Variants in NPFFR2 observed in about 807,000 individuals in gnomAD.
The protein encoded by NPFFR2 is neuropeptide FF receptor 2.
NPFFR2 carries 15 observed loss-of-function variants against 13.1 expected under a neutral mutation model. The ratio of observed to expected loss-of-function variants is 1.15; its 90% CI spans 0.77 to 1.76. NPFFR2 has a LOEUF of 1.76. NPFFR2 is among the 40% of genes most tolerant of loss of function. The pLI is 0.00. For synonymous variants in NPFFR2, 190 were observed against 175.7 expected, an observed-to-expected ratio of 1.08 and a Z score of -0.65; for missense variants, 572 against 503.5, an observed-to-expected ratio of 1.14 and a Z score of -1.30.
Position 72,147,332 on chromosome 4 carries a change from G to A in NPFFR2, c.783G>A (p.Gln261=). Residue 261 remains glutamine, a synonymous_variant, in exon 4 of 4, where the codon CAG becomes CAA. Transcript: ENST00000308744. ...ACACAGGCAGGAAGAACCAGGAGCA[G>A]TGGCACGTGGTGTCCAGGAAGAAGC... The part of the protein sequence containing the change: ...VPHTGRKNQE[Q]WHVVSRKKQK... 1.9e-6 allele frequency: 3 copies of A among 1,614,174 alleles called. No homozygotes were observed. Among genetic ancestry groups the A allele is most frequent in the Non-Finnish European group, 2.5e-6 (3 of 1,180,018 alleles).
At chr4:72,113,860 G>A (rs1283618597) in intron 1 of NPFFR2, among the ~76,000 whole-genome samples, 1 of 151,990 alleles carries the variant, frequency 6.6e-6, no homozygotes, top group Non-Finnish European at 1.5e-5. Flanking sequence ...ACACAGCAGA[G>A]GAATATTTAG....
At chr4:72,067,494 T>C (rs1307904419) in intron 1 of NPFFR2, among the ~76,000 whole-genome samples, 2 of 152,206 alleles carry the variant, frequency 1.3e-5, no homozygotes, top group Admixed American at 6.5e-5. Context: ...AATAATCTTA[T>C]CAAATGGTCT....
At chr4:72,042,689 C>G (rs958938281) in intron 1 of NPFFR2, among the ~76,000 whole-genome samples, 1 of 152,140 alleles carries the variant, frequency 6.6e-6, no homozygotes. Flanking sequence ...TTGCCCCTTT[C>G]CTAGAGATCT....
At chr4:72,146,866 T>C (rs969689787) in intron 3 of NPFFR2, 112 bp from the exon 4 acceptor site, 1 of 707,102 alleles carries the variant, frequency 1.4e-6, no homozygotes, top group Non-Finnish European at 2.4e-6. Flanking sequence ...ACTTTCTATA[T>C]TTTTGAGGAG....
chr4:72,135,663 GT>G (rs893644888), intron 2 of NPFFR2, among the ~76,000 whole-genome samples: 1 of 151,916 alleles, frequency 6.6e-6, no homozygotes, highest in Admixed American at 6.6e-5. Context: ...ATTAGTAATA[GT>G]TTTTTCTGTT....
intron 1 of NPFFR2, among the ~76,000 whole-genome samples, chr4:72,057,050 AT>A (rs1483497425): frequency 6.6e-6 from 1 of 152,040 alleles, no homozygotes; most frequent in Non-Finnish European, 1.5e-5. Context: ...AAAGTGATAT[AT>A]TGAAGCCTAT....
chr4:72,111,030 T>G (rs1721552428), intron 1 of NPFFR2, among the ~76,000 whole-genome samples: 1 of 151,974 alleles, frequency 6.6e-6, no homozygotes, highest in South Asian at 2.1e-4. Context: ...AAGCGATAAT[T>G]TTTTATGGTT....
intron 1 of NPFFR2, among the ~76,000 whole-genome samples, chr4:72,122,821 C>A (rs1462545150): frequency 6.6e-6 from 1 of 152,004 alleles, no homozygotes; most frequent in African/African-American, 2.4e-5. Flanking sequence ...AAATTGACAC[C>A]CTAACATCAC....
At chr4:72,055,091 A>G (rs956421828) in intron 1 of NPFFR2, among the ~76,000 whole-genome samples, 1 of 151,966 alleles carries the variant, frequency 6.6e-6, no homozygotes, top group Non-Finnish European at 1.5e-5. Context: ...CTTAAAAAGC[A>G]TTAGACTAAG....
intron 1 of NPFFR2, among the ~76,000 whole-genome samples, chr4:72,097,401 A>T (rs572916341): frequency 1.3e-5 from 2 of 152,044 alleles, no homozygotes; most frequent in Admixed American, 1.3e-4. Flanking sequence ...CTAGTTCTGT[A>T]GTGATTCTGT....
At chr4:72,102,993 G>A (rs573985052) in intron 1 of NPFFR2, among the ~76,000 whole-genome samples, 91 of 152,220 alleles carry the variant, frequency 6.0e-4, no homozygotes, top group Non-Finnish European at 1.0e-3. Flanking sequence ...CACCAACAGC[G>A]TCAAAGTGTT....
chr4:72,053,404 C>G (rs1719647817), intron 1 of NPFFR2, among the ~76,000 whole-genome samples: 1 of 151,600 alleles, frequency 6.6e-6, no homozygotes, highest in African/African-American at 2.4e-5. Flanking sequence ...AAAGTTTACC[C>G]TAGGAACAAA....
At chr4:72,072,745 C>A (rs4296652) in intron 1 of NPFFR2, among the ~76,000 whole-genome samples, 1 of 152,002 alleles carries the variant, frequency 6.6e-6, no homozygotes, top group African/African-American at 2.4e-5. Context: ...AGAATAAACT[C>A]AAAGATACTC....
At chr4:72,114,377 A>G (rs1721650762) in intron 1 of NPFFR2, among the ~76,000 whole-genome samples, 2 of 152,072 alleles carry the variant, frequency 1.3e-5, no homozygotes, top group Admixed American at 1.3e-4. Context: ...GTTGATTGGT[A>G]CCCCTATAAG....
intron 1 of NPFFR2, among the ~76,000 whole-genome samples, chr4:72,062,781 A>G (rs1259954497): frequency 6.6e-6 from 1 of 152,156 alleles, no homozygotes; most frequent in Admixed American, 6.5e-5. Context: ...GTGGAACCAT[A>G]TGGAGCAGAG....
chr4:72,037,291 G>A (rs749847273), intron 1 of NPFFR2, among the ~76,000 whole-genome samples: 2 of 151,290 alleles, frequency 1.3e-5, no homozygotes, highest in Admixed American at 6.6e-5. Flanking sequence ...CTAGCAACTC[G>A]GGAAGTTAAG....
chr4:72,043,946 G>A (rs950477726), intron 1 of NPFFR2, among the ~76,000 whole-genome samples: 2 of 152,138 alleles, frequency 1.3e-5, no homozygotes, highest in Non-Finnish European at 2.9e-5. Flanking sequence ...ATCTTGAATT[G>A]TAGTTCCCAA....
chr4:72,049,278 G>A (rs1719472381), intron 1 of NPFFR2, among the ~76,000 whole-genome samples: 1 of 152,084 alleles, frequency 6.6e-6, no homozygotes, highest in African/African-American at 2.4e-5. Flanking sequence ...TCAATGTCAA[G>A]GCTGTGTTGT....
At chr4:72,146,871 G>A (rs1177860298) in intron 3 of NPFFR2, 107 bp from the exon 4 acceptor site, 1 of 713,138 alleles carries the variant, frequency 1.4e-6, no homozygotes, top group African/African-American at 1.8e-5. Flanking sequence ...CTATATTTTT[G>A]AGGAGACTGT....
Sources: allele counts gnomAD v4.1 joint callset (sites outside exome capture counted in the v4.1 genomes callset), GRCh38; gene constraint gnomAD v4.1.1; transcripts MANE v1.5; gene names NCBI Gene and HGNC (gene_info 2026-07-23, HGNC 2026-07-21).